The following SLC44A1 variants were observed in gnomAD, a reference collection of about 807,000 sequenced individuals.
SLC44A1 encodes choline transporter-like protein 1.
A neutral mutation model predicts 79.3 loss-of-function variants in SLC44A1; 26 were observed. The ratio of observed to expected loss-of-function variants is 0.33; its 90% CI spans 0.24 to 0.46. The LOEUF is 0.46. Ranked by LOEUF, SLC44A1 falls within the 20% of genes least tolerant of loss-of-function variation. The pLI, the probability that SLC44A1 is intolerant of heterozygous loss-of-function variation, is 1.00. For synonymous variants in SLC44A1, 263 were observed against 286.2 expected (o/e 0.92, Z 0.82); for missense variants, 688 against 798.1 (o/e 0.86, Z 1.66).
At chr9:105,305,833 A>G (rs1397372443) in intron 2 of SLC44A1, among the ~76,000 whole-genome samples, 2 of 149,450 alleles carry the variant, frequency 1.3e-5, no homozygotes, top group Non-Finnish European at 3.0e-5. Context: ...TTGTGAAATA[A>G]AAGTGTGTCC....
intron 12 of SLC44A1, among the ~76,000 whole-genome samples, chr9:105,368,199 CTT>C (rs11286712): frequency 4.2e-5 from 6 of 143,836 alleles, no homozygotes; most frequent in Non-Finnish European, 3.1e-5. Flanking sequence ...AGATGTTGGT[CTT>C]TTTTTTTTTT....
chr9:105,343,530 T>C (rs1405611384), intron 4 of SLC44A1, among the ~76,000 whole-genome samples: 1 of 152,196 alleles, frequency 6.6e-6, no homozygotes, highest in Non-Finnish European at 1.5e-5. Flanking sequence ...AGAGTAATTA[T>C]GTATTCTTTT....
chr9:105,244,777 G>T lies in SLC44A1; in HGVS notation c.-92G>T. The T allele has an allele frequency of 1.4e-6, 1 of 722,442 alleles. No homozygotes were observed. Among genetic ancestry groups the T allele is most frequent in the East Asian group, 5.0e-5 (1 of 20,180 alleles). 44.8% of individuals were successfully genotyped at this position (722,442 alleles called of 1,614,324 possible). On this transcript the variant is annotated 5_prime_UTR_variant, in exon 1 of 16. Coordinates refer to ENST00000374720, the MANE Select transcript of SLC44A1 (RefSeq NM_080546.5). ...GCCTAGCCGTGCGGTGCCAGGCCGC[G>T]CCCTCCCCGGGCGCCCGCCGGCTCG...
intron 1 of SLC44A1, among the ~76,000 whole-genome samples, chr9:105,271,973 T>G (rs1218336285): frequency 6.6e-6 from 1 of 152,208 alleles, no homozygotes; most frequent in African/African-American, 2.4e-5. Flanking sequence ...GGTCTCATAA[T>G]ATTTTTGTTT....
intron 1 of SLC44A1, among the ~76,000 whole-genome samples, chr9:105,265,705 G>T (rs1402415755): frequency 6.6e-6 from 1 of 152,176 alleles, no homozygotes; most frequent in Admixed American, 6.5e-5. Context: ...TTCCAAATGG[G>T]CTGTACCATT....
chr9:105,344,415 G>T (rs1827186739), intron 4 of SLC44A1, among the ~76,000 whole-genome samples: 1 of 152,172 alleles, frequency 6.6e-6, no homozygotes. Flanking sequence ...AGCTTAGGGG[G>T]AGGCTACTGG....
chr9:105,249,437 A>G (rs900240810), intron 1 of SLC44A1, among the ~76,000 whole-genome samples: 1 of 152,198 alleles, frequency 6.6e-6, no homozygotes, highest in Non-Finnish European at 1.5e-5. Flanking sequence ...CATCTTCTGA[A>G]TACTGTGTTG....
rs1228797610 is a variant in SLC44A1 at position 105,374,661 on chromosome 9, G to T, written c.1558G>T (p.Val520Phe). 1.2e-6 allele frequency: 2 copies of T among 1,613,738 alleles called. No homozygotes were observed. Among genetic ancestry groups the T allele is most frequent in the Admixed American group, 1.7e-5 (1 of 60,012 alleles). The change falls in exon 13 of 16, where the codon GTC (valine) becomes TTC (phenylalanine). Residue 520 changes from valine (V) to phenylalanine (F), a missense_variant. Coordinates refer to ENST00000374720, the MANE Select transcript of SLC44A1 (RefSeq NM_080546.5). ...NFCTSAKDAF[V>F]ILVENALRVA... ...CTGCACCTCAGCAAAGGATGCCTTTGTCATTCTGGTGGAGAATGCTTTGCG... is the reference window on the plus strand; with the variant it reads ...CTGCACCTCAGCAAAGGATGCCTTTTTCATTCTGGTGGAGAATGCTTTGCG...
At chr9:105,303,299 C>T (rs892973081) in intron 2 of SLC44A1, among the ~76,000 whole-genome samples, 2 of 151,902 alleles carry the variant, frequency 1.3e-5, no homozygotes, top group African/African-American at 4.8e-5. Context: ...GATGGTCTGA[C>T]TTCATTCTGT....
At chr9:105,346,478 T>G (rs1827250569) in intron 4 of SLC44A1, among the ~76,000 whole-genome samples, 2 of 152,164 alleles carry the variant, frequency 1.3e-5, no homozygotes, top group African/African-American at 4.8e-5. Context: ...CGATTCCATC[T>G]TGGACTCTGA....
chr9:105,437,590 A>G (rs1263979503), intron 15 of SLC44A1, among the ~76,000 whole-genome samples: 1 of 152,120 alleles, frequency 6.6e-6, no homozygotes, highest in African/African-American at 2.4e-5. Flanking sequence ...AAATACTTCA[A>G]TGTGTATTTC....
intron 13 of SLC44A1, among the ~76,000 whole-genome samples, chr9:105,375,334 C>T (rs145546742): frequency 6.6e-5 from 10 of 152,332 alleles, no homozygotes; most frequent in African/African-American, 2.4e-4. Context: ...GCCACTGCAC[C>T]CGGCCCTCTT....
chr9:105,383,257 T>G lies in SLC44A1; in HGVS notation c.1767T>G (p.Ile589Met). ...TAGTCGCTCATTGCTTCCTGTCTAT[T>G]TATGAAATGGTAGTGGATGTATTAT... Reference protein sequence around the residue: ...AFLVAHCFLSIYEMVVDVLFL... With the variant: ...AFLVAHCFLSMYEMVVDVLFL... Residue 589 changes from isoleucine (I) to methionine (M), a missense_variant, in exon 14 of 16, where the codon ATT (isoleucine) becomes ATG (methionine). Transcript: ENST00000374720. The G allele has an allele frequency of 6.2e-7, 1 of 1,613,970 alleles. No homozygotes were observed. Among genetic ancestry groups the G allele is most frequent in the Non-Finnish European group, 8.5e-7 (1 of 1,179,838 alleles).
intron 1 of SLC44A1, among the ~76,000 whole-genome samples, chr9:105,265,542 G>T (rs328022): frequency 0.2 from 30,799 of 151,344 alleles, 5,442 homozygotes; most frequent in African/African-American, 0.49. Flanking sequence ...TGAAGAACAC[G>T]GGGTTGTTTC....
chr9:105,275,937 G>A (rs73510265), intron 1 of SLC44A1, among the ~76,000 whole-genome samples: 3,856 of 151,866 alleles, frequency 0.025, 153 homozygotes, highest in African/African-American at 0.087. Flanking sequence ...CCCTAGTAGC[G>A]GGGATTACAG....
At chr9:105,374,367 T>C (rs570377678) in intron 12 of SLC44A1, among the ~76,000 whole-genome samples, 1 of 152,174 alleles carries the variant, frequency 6.6e-6, no homozygotes, top group Non-Finnish European at 1.5e-5. Context: ...TTTTAATAAA[T>C]AACAATGTTT....
At chr9:105,255,024 G>A (rs1242829045) in intron 1 of SLC44A1, among the ~76,000 whole-genome samples, 1 of 149,660 alleles carries the variant, frequency 6.7e-6, no homozygotes, top group Non-Finnish European at 1.5e-5. Context: ...GTAATAATGA[G>A]TACAATCCAC....
Position 105,391,929 on chromosome 9 carries a change from T to C in SLC44A1, c.*2873T>C, listed in dbSNP as rs573190618. 1.7e-5 allele frequency: 17 copies of C among 985,280 alleles called. No individual in the cohort carries two copies. The South Asian group carries it at 7.0e-4, about 41-fold the overall frequency. 61.0% of individuals were successfully genotyped at this position (985,280 alleles called of 1,614,324 possible). A position where few individuals can be genotyped will look rare whatever the true frequency, so the allele number is the denominator to read the frequency against. On this transcript the variant is annotated 3_prime_UTR_variant, in exon 16 of 16. Coordinates refer to ENST00000374720, the MANE Select transcript of SLC44A1 (RefSeq NM_080546.5). ...GGTCCTCTATTGTCAATTGTAGTAG[T>C]GACCAGAGTATCGTGGTTTTTGCCA... is the stretch of plus-strand genomic sequence containing the variant.
At chr9:105,337,022 G>C (rs1256231571) in intron 4 of SLC44A1, among the ~76,000 whole-genome samples, 1 of 152,200 alleles carries the variant, frequency 6.6e-6, no homozygotes, top group Non-Finnish European at 1.5e-5. Context: ...GTAGGTACTT[G>C]AATAAAGAAG....
Sources: gnomAD v4.1 joint callset for allele counts (sites outside exome capture counted in the v4.1 genomes callset) on GRCh38, gnomAD v4.1.1 for gene constraint, MANE v1.5 for transcripts, NCBI Gene and HGNC (gene_info 2026-07-23, HGNC 2026-07-21) for gene names.